SPPL3: variants seen among roughly 807,000 people sequenced by gnomAD.
SPPL3 encodes the protein signal peptide peptidase like 3.
A neutral mutation model predicts 42.4 loss-of-function variants in SPPL3; 5 were observed. The observed-to-expected ratio is 0.12, with a 90% CI of 0.06 to 0.25. The LOEUF is 0.25. Ranked by LOEUF, SPPL3 falls within the 10% of genes least tolerant of loss-of-function variation. The probability of loss-of-function intolerance (pLI) is 1.00; values close to 1 mark genes in which losing one functional copy is unlikely to be tolerated. For missense variants in SPPL3, 235 were observed against 489.0 expected (o/e 0.48, Z 4.90); for synonymous variants, 195 against 181.8 (o/e 1.07, Z -0.58).
intron 1 of SPPL3, among the ~76,000 whole-genome samples, chr12:120,894,263 G>A (rs1460385815): frequency 6.6e-6 from 1 of 152,210 alleles, no homozygotes; most frequent in Non-Finnish European, 1.5e-5. Context: ...GGCAGAGGTT[G>A]CGGTGAGCCA....
Position 120,793,504 on chromosome 12 carries a change from T to G in SPPL3, c.102-1947A>C, listed in dbSNP as rs529207993. 5.9e-4 allele frequency among the ~76,000 whole-genome samples: 89 copies of G among 152,132 alleles called. 1 individual carries two copies. The highest frequency in any genetic ancestry group is 2.0e-3 in the African/African-American group (85 of 41,496). ...TCTCCTCAAAACAAAACCACCACCA[T>G]GAGAAACCACTTCACACATAGCAGG... On this transcript the variant is annotated intron_variant, in intron 2 of 10. Coordinates refer to ENST00000353487, the MANE Select transcript of SPPL3 (RefSeq NM_139015.5).
intron 4 of SPPL3, 185 bp downstream of exon 4, chr12:120,784,289 G>A (rs1869639506): frequency 1.4e-5 from 7 of 497,936 alleles, no homozygotes; most frequent in East Asian, 3.9e-5. Context: ...AACAGATGAC[G>A]TGGATCAAGA....
In SPPL3 at chr12:120,782,611, C is replaced by T. The variant is rs779547386; in HGVS notation, c.502+44G>A. On this transcript the variant is annotated intron_variant, in intron 6 of 10. Coordinates refer to ENST00000353487, the MANE Select transcript of SPPL3 (RefSeq NM_139015.5). Reference sequence around the variant, plus strand: ...TGAATATCCTAAAGTATCTATAAAACTCTATAAAGTAAAATTACAATTTGT... The same window carrying T: ...TGAATATCCTAAAGTATCTATAAAATTCTATAAAGTAAAATTACAATTTGT... The T allele has an allele frequency of 4.3e-6, 6 of 1,410,368 alleles. No homozygotes were observed. In the African/African-American group the frequency reaches 7.1e-5, roughly 17 times the overall value. 87.4% of individuals were successfully genotyped at this position (1,410,368 alleles called of 1,614,324 possible).
At chr12:120,901,766 T>C (rs887153180) in intron 1 of SPPL3, 10 of 432,712 alleles carry the variant, frequency 2.3e-5, no homozygotes, top group East Asian at 3.1e-4. Context: ...AGAGCTGACA[T>C]TGAAGGAAGT....
rs1291448913 is a variant in SPPL3 at position 120,768,775 on chromosome 12, A to G, written c.609+178T>C. 4 of 651,196 alleles carry G rather than the reference A, an allele frequency of 6.1e-6. No homozygotes were observed. In the East Asian group the frequency reaches 1.1e-4, roughly 18 times the overall value. The allele number at this position is 651,196 out of a possible 1,614,324, so 40.3% of individuals were successfully genotyped here. On this transcript the variant is annotated intron_variant, in intron 7 of 10. Coordinates refer to ENST00000353487, the MANE Select transcript of SPPL3 (RefSeq NM_139015.5). ...ACACACACACACTACCTACTGTACG[A>G]CTTTTCAGCAAACAAAAGGATCGGA...
intron 6 of SPPL3, among the ~76,000 whole-genome samples, chr12:120,775,514 C>T (rs1373309024): frequency 6.6e-6 from 1 of 152,138 alleles, no homozygotes; most frequent in Non-Finnish European, 1.5e-5. Flanking sequence ...ATGTTCTAAT[C>T]ATAGGTTAGT....
intron 1 of SPPL3, among the ~76,000 whole-genome samples, chr12:120,822,976 C>A (rs1318055974): frequency 6.6e-6 from 1 of 151,644 alleles, no homozygotes; most frequent in Non-Finnish European, 1.5e-5. Context: ...AATTGCCTAA[C>A]AGGGAGACAA....
intron 10 of SPPL3, 46 bp downstream of exon 10, chr12:120,766,217 C>A (rs1868899999): frequency 1.3e-6 from 2 of 1,491,282 alleles, no homozygotes; most frequent in African/African-American, 2.8e-5. Flanking sequence ...GAGGCACAGG[C>A]CAATCCAAGT....
chr12:120,884,550 T>TAA (rs35595273), intron 1 of SPPL3, among the ~76,000 whole-genome samples: 1 of 143,704 alleles, frequency 7.0e-6, no homozygotes. Context: ...TTGTATAATT[T>TAA]AAAAAAAAAA....
intron 1 of SPPL3, among the ~76,000 whole-genome samples, chr12:120,857,820 G>C (rs1226121064): frequency 6.6e-6 from 1 of 152,180 alleles, no homozygotes; most frequent in Non-Finnish European, 1.5e-5. Flanking sequence ...CCTGTCACAG[G>C]GGTGGGTGGA....
chr12:120,864,940 T>A (rs962888501), intron 1 of SPPL3, among the ~76,000 whole-genome samples: 2 of 152,184 alleles, frequency 1.3e-5, no homozygotes, highest in South Asian at 4.1e-4. Flanking sequence ...GAATACAATG[T>A]CTATGAGCAC....
At chr12:120,884,263 A>C in intron 1 of SPPL3, among the ~76,000 whole-genome samples, 1 of 152,192 alleles carries the variant, frequency 6.6e-6, no homozygotes, top group East Asian at 1.9e-4. Context: ...GAACATTGGT[A>C]ATCCTATAGT....
At chr12:120,801,076 A>G (rs1398082033) in intron 2 of SPPL3, among the ~76,000 whole-genome samples, 1 of 152,250 alleles carries the variant, frequency 6.6e-6, no homozygotes, top group Non-Finnish European at 1.5e-5. Context: ...TAGCTGAGAG[A>G]AGCTGTGTGG....
intron 9 of SPPL3, 78 bp from the exon 10 acceptor site, chr12:120,766,450 A>G: frequency 8.6e-7 from 1 of 1,162,220 alleles, no homozygotes; most frequent in Non-Finnish European, 1.2e-6. Context: ...AAGTCCTGCA[A>G]CTGTACAGAT....
chr12:120,867,502 T>C (rs1010325132), intron 1 of SPPL3, among the ~76,000 whole-genome samples: 2 of 151,904 alleles, frequency 1.3e-5, no homozygotes, highest in Admixed American at 6.6e-5. Flanking sequence ...TTGTCTCCAC[T>C]AAAATACAAA....
chr12:120,868,148 C>G (rs980346154), intron 1 of SPPL3, among the ~76,000 whole-genome samples: 7 of 151,978 alleles, frequency 4.6e-5, no homozygotes, highest in African/African-American at 1.7e-4. Flanking sequence ...CCCAGCCATT[C>G]AGGAGGATGA....
chr12:120,765,555 G>A (rs941592601), intron 10 of SPPL3, among the ~76,000 whole-genome samples: 2 of 152,176 alleles, frequency 1.3e-5, no homozygotes, highest in Non-Finnish European at 1.5e-5. Flanking sequence ...GGGGGTTACA[G>A]GCGTGAGCCA....
At chr12:120,825,513 G>T (rs1871208382) in intron 1 of SPPL3, among the ~76,000 whole-genome samples, 2 of 152,052 alleles carry the variant, frequency 1.3e-5, no homozygotes, top group African/African-American at 4.8e-5. Flanking sequence ...TAACTCTCTA[G>T]TAACAGGGCA....
At chr12:120,884,735 T>G (rs1873396164) in intron 1 of SPPL3, among the ~76,000 whole-genome samples, 1 of 151,610 alleles carries the variant, frequency 6.6e-6, no homozygotes, top group Admixed American at 6.6e-5. Flanking sequence ...GTTTCATAAT[T>G]CCTTATCTGA....
Sources: gnomAD v4.1 joint callset for allele counts (sites outside exome capture counted in the v4.1 genomes callset) on GRCh38, gnomAD v4.1.1 for gene constraint, MANE v1.5 for transcripts, NCBI Gene and HGNC (gene_info 2026-07-23, HGNC 2026-07-21) for gene names.